Variants in ADCY7 observed in about 807,000 individuals in gnomAD.
ADCY7 encodes the protein adenylate cyclase type 7.
Under a neutral mutation model 120.6 loss-of-function variants are expected in ADCY7, and 72 were observed. The ratio of observed to expected loss-of-function variants is 0.60; its 90% CI spans 0.49 to 0.73. The LOEUF (loss-of-function observed/expected upper bound fraction) is 0.73, where lower values mean the gene tolerates loss of function less well. Ranked by LOEUF, ADCY7 falls within the 30% of genes least tolerant of loss-of-function variation. ADCY7 has a pLI of 0.00. For missense variants in ADCY7, 1,227 were observed against 1,486.0 expected, an observed-to-expected ratio of 0.83 and a Z score of 2.87; for synonymous variants, 661 against 628.0, an observed-to-expected ratio of 1.05 and a Z score of -0.78.
chr16:50,259,378 C>G (rs984446171), intron 1 of ADCY7, among the ~76,000 whole-genome samples: 10 of 152,198 alleles, frequency 6.6e-5, no homozygotes, highest in African/African-American at 2.4e-4. Context: ...GGGCCGGGTG[C>G]AGGGAAGGAC....
intron 10 of ADCY7, among the ~76,000 whole-genome samples, chr16:50,302,337 C>T (rs888667949): frequency 9.2e-5 from 14 of 152,086 alleles, no homozygotes; most frequent in East Asian, 1.9e-4. Context: ...GATGGATGCC[C>T]GGCTCGAAGC....
At chr16:50,311,647 G>A (rs922148807) in intron 19 of ADCY7, 46 bp from the exon 20 acceptor site, 5 of 1,355,842 alleles carry the variant, frequency 3.7e-6, no homozygotes, top group Non-Finnish European at 5.3e-6. Flanking sequence ...TCAGTGGGTT[G>A]GAGTGGTGAG....
At chr16:50,256,651 T>C (rs769800410) in intron 1 of ADCY7, among the ~76,000 whole-genome samples, 4 of 152,020 alleles carry the variant, frequency 2.6e-5, no homozygotes, top group Non-Finnish European at 4.4e-5. Flanking sequence ...TGCAGTGAGC[T>C]ATGATCACAT....
At chr16:50,276,239 C>T (rs1567540062) in intron 1 of ADCY7, among the ~76,000 whole-genome samples, 1 of 152,246 alleles carries the variant, frequency 6.6e-6, no homozygotes, top group Non-Finnish European at 1.5e-5. Flanking sequence ...GAAAGCCGGC[C>T]TGAGTTGCTG....
In ADCY7 at chr16:50,292,689, C is replaced by T. The variant is rs891143355; in HGVS notation, c.551C>T (p.Ala184Val). 3 of 1,613,764 alleles carry T rather than the reference C, an allele frequency of 1.9e-6. No individual in the cohort carries two copies. Among genetic ancestry groups the T allele is most frequent in the Non-Finnish European group, 2.5e-6 (3 of 1,179,956 alleles). ...VRVGLQLLAN[A>V]VIFLCGNLTG... ...GTCTACCCGCAGCTGCTGGCCAACG[C>T]AGTCATCTTCCTGTGTGGGAACCTG... The change falls in exon 5 of 26, where the codon GCA becomes GTA. Residue 184 changes from alanine to valine, a missense_variant. This residue lies in a region of ADCY7 where 382 missense variants were observed against 411.4 expected (regional missense o/e 0.93). Coordinates refer to ENST00000673801, the MANE Select transcript of ADCY7 (RefSeq NM_001114.5).
rs555103163 is a variant in ADCY7, at chr16:50,305,768, C to T, written c.1680-9C>T. 157 of 1,613,732 alleles carry T rather than the reference C, an allele frequency of 9.7e-5. 1 individual carries two copies. The South Asian group carries it at 1.2e-3, about 12-fold the overall frequency. On this transcript the variant is annotated splice_polypyrimidine_tract_variant and intron_variant, in intron 13 of 25. Coordinates refer to ENST00000673801, the MANE Select transcript of ADCY7 (RefSeq NM_001114.5). The stretch of plus-strand genomic sequence containing the variant: ...GCCCCCATCTCACCGCAGCTGCCCC[C>T]GCCCACAGGCCCTGCTGCTCCAAGT...
intron 1 of ADCY7, among the ~76,000 whole-genome samples, chr16:50,272,258 G>A (rs957723724): frequency 3.9e-5 from 6 of 152,086 alleles, no homozygotes; most frequent in East Asian, 1.9e-4. Context: ...TCTAGGGCCC[G>A]GATCCCTGGA....
intron 7 of ADCY7, among the ~76,000 whole-genome samples, chr16:50,295,546 T>G (rs1311500707): frequency 1.3e-5 from 2 of 151,664 alleles, no homozygotes; most frequent in African/African-American, 4.8e-5. Flanking sequence ...AAGGGAACAG[T>G]GTTCTTAGCA....
Position 50,303,444 on chromosome 16 carries a change from G to A in ADCY7, c.1369-916G>A, listed in dbSNP as rs542598710. On this transcript the variant is annotated intron_variant, in intron 10 of 25. Coordinates refer to ENST00000673801, the MANE Select transcript of ADCY7 (RefSeq NM_001114.5). ...TGGGGCCCTAGGAGACAGGACTTCC[G>A]GAGGCAGAGGAATGTTTCAGGGGCT... 2.5e-4 allele frequency among the ~76,000 whole-genome samples: 38 copies of A among 151,368 alleles called. No homozygotes were observed. In the South Asian group the frequency reaches 3.5e-3, roughly 14 times the overall value.
intron 1 of ADCY7, among the ~76,000 whole-genome samples, chr16:50,248,966 T>G (rs1173778369): frequency 6.6e-6 from 1 of 152,204 alleles, no homozygotes; most frequent in Non-Finnish European, 1.5e-5. Flanking sequence ...TCATGGCGGT[T>G]GGGAAGCTAT....
intron 1 of ADCY7, among the ~76,000 whole-genome samples, chr16:50,281,445 T>TGCCCTCATCCTTTGGCTGTGGC (rs1374024380): frequency 1.1e-4 from 17 of 152,322 alleles, no homozygotes; most frequent in African/African-American, 3.8e-4. Context: ...TTTCTTCATC[T>TGCCCTCATCCTTTGGCTGTGGC]GCCCTCATCC....
chr16:50,298,459 GC>G lies in ADCY7; in HGVS notation c.949-440del, dbSNP rs2035499327. Among the ~76,000 whole-genome samples, 10 of 152,228 alleles carry G rather than the reference GC, an allele frequency of 6.6e-5. No homozygotes were observed. In the South Asian group the frequency reaches 2.1e-3, roughly 32 times the overall value. The stretch of plus-strand genomic sequence containing the variant: ...CTCCTGTGCCTTGGTTTTCTCCTTA[GC>G]CCCCATCACAGCTGGGCACACTGTT... On this transcript the variant is annotated intron_variant, in intron 7 of 25. Coordinates refer to ENST00000673801, the MANE Select transcript of ADCY7 (RefSeq NM_001114.5).
chr16:50,276,035 C>G (rs1442502702), intron 1 of ADCY7, among the ~76,000 whole-genome samples: 1 of 152,204 alleles, frequency 6.6e-6, no homozygotes, highest in Non-Finnish European at 1.5e-5. Context: ...GGTACTGTGC[C>G]GTCTCCTGCC....
At chr16:50,266,023 G>C (rs1436696508), upstream of ADCY7, among the ~76,000 whole-genome samples, 1 of 152,208 alleles carries the variant, frequency 6.6e-6, no homozygotes, top group African/African-American at 2.4e-5. Flanking sequence ...GGATGGGCCT[G>C]CCCCTGCCCT....
At position 50,252,897 on chromosome 16, in the gene ADCY7, C is replaced by T. The variant is rs1205697101; in HGVS notation, c.-64+6694C>T. Among the ~76,000 whole-genome samples the T allele has an allele frequency of 3.3e-5, 5 of 152,236 alleles. No individual in the cohort carries two copies. In the East Asian group the frequency reaches 9.6e-4, roughly 29 times the overall value. On this transcript the variant is annotated intron_variant, in intron 1 of 4. Coordinates refer to the ADCY7 transcript ENST00000564044. ...TAATAGAATTGGAACTCGAAGTAACCCATTAACATATTGGTGTATATTCTT... is the reference window on the plus strand; with the variant it reads ...TAATAGAATTGGAACTCGAAGTAACTCATTAACATATTGGTGTATATTCTT...
rs200687187 is a variant in ADCY7, at chr16:50,290,413, C to A, written c.172-44C>A. ...AGGCTTTCTGGAGGAGGTGGCTCTG[C>A]ACTGGGGAAAGCCGAGGCATTCCTG... On this transcript the variant is annotated intron_variant, in intron 2 of 25. Coordinates refer to ENST00000673801, the MANE Select transcript of ADCY7 (RefSeq NM_001114.5). 3.6e-5 allele frequency: 58 copies of A among 1,609,190 alleles called. No homozygotes were observed. In the East Asian group the frequency reaches 1.2e-3, roughly 35 times the overall value.
intron 8 of ADCY7, among the ~76,000 whole-genome samples, chr16:50,299,525 G>C (rs540649426): frequency 6.6e-6 from 1 of 152,220 alleles, no homozygotes; most frequent in Non-Finnish European, 1.5e-5. Flanking sequence ...GGAATTTGCC[G>C]AGAGGGCTGT....
At chr16:50,310,987 C>A in intron 19 of ADCY7, 107 bp downstream of exon 19, 2 of 1,166,378 alleles carry the variant, frequency 1.7e-6, no homozygotes, top group Non-Finnish European at 2.4e-6. Flanking sequence ...GGGCACCTTG[C>A]AGGGCGGGGC....
chr16:50,304,128 G>C (rs146397412), intron 10 of ADCY7, among the ~76,000 whole-genome samples: 2 of 152,154 alleles, frequency 1.3e-5, no homozygotes, highest in Admixed American at 6.5e-5. Flanking sequence ...CCAGGGCACC[G>C]AGCTGGGACC....
Sources: gnomAD v4.1 joint callset for allele counts (sites outside exome capture counted in the v4.1 genomes callset) on GRCh38, gnomAD v4.1.1 for gene constraint, gnomAD v4.1.1 regional missense constraint, MANE v1.5 for transcripts, NCBI Gene and HGNC (gene_info 2026-07-23, HGNC 2026-07-21) for gene names.